Variants in PDHX observed in about 807,000 individuals in gnomAD.
The protein encoded by PDHX is pyruvate dehydrogenase complex component X.
PDHX carries 33 observed loss-of-function variants against 55.3 expected under a neutral mutation model. The observed-to-expected ratio is 0.60, with a 90% CI of 0.45 to 0.80. The LOEUF (loss-of-function observed/expected upper bound fraction) is 0.80, where lower values mean the gene tolerates loss of function less well. Among genes scored for constraint, PDHX ranks in the 30% least tolerant of loss-of-function variants. The pLI, the probability that PDHX is intolerant of heterozygous loss-of-function variation, is 0.00. For missense variants in PDHX, 622 were observed against 619.9 expected (o/e 1.00, Z -0.04); for synonymous variants, 226 against 219.4 (o/e 1.03, Z -0.27).
At chr11:34,923,340 A>G (rs1196303309) in intron 1 of PDHX, among the ~76,000 whole-genome samples, 1 of 152,182 alleles carries the variant, frequency 6.6e-6, no homozygotes, top group Non-Finnish European at 1.5e-5. Context: ...TGTATAATTC[A>G]GGAGAGATTT....
At chr11:34,925,963 G>T (rs1303955961) in intron 1 of PDHX, among the ~76,000 whole-genome samples, 1 of 152,078 alleles carries the variant, frequency 6.6e-6, no homozygotes, top group African/African-American at 2.4e-5. Context: ...TTCTGATAAG[G>T]CATACTCAAC....
chr11:34,969,214 A>T (rs976303162), intron 6 of PDHX, among the ~76,000 whole-genome samples: 1 of 152,138 alleles, frequency 6.6e-6, no homozygotes, highest in African/African-American at 2.4e-5. Context: ...TATTAAATGC[A>T]CTTTGACTTA....
rs565465215 is a variant in PDHX at position 34,962,822 on chromosome 11, C to T, written c.641+2304C>T. On this transcript the variant is annotated intron_variant, in intron 5 of 10. Coordinates refer to ENST00000227868, the MANE Select transcript of PDHX (RefSeq NM_003477.3). Reference sequence around the variant, plus strand: ...ATGTGTGCTTAATACATATATGATGCGCAAATATCTTTTTTTAAACCTGAG... The same window carrying T: ...ATGTGTGCTTAATACATATATGATGTGCAAATATCTTTTTTTAAACCTGAG... Among the ~76,000 whole-genome samples, 19 of 152,026 alleles carry T rather than the reference C, an allele frequency of 1.2e-4. No homozygotes were observed. In the South Asian group the frequency reaches 2.7e-3, roughly 22 times the overall value.
chr11:34,960,177 T>G (rs1854993274), intron 4 of PDHX, among the ~76,000 whole-genome samples: 1 of 152,228 alleles, frequency 6.6e-6, no homozygotes, highest in South Asian at 2.1e-4. Flanking sequence ...CTCTTTCCCC[T>G]AATTAATATT....
At chr11:34,927,528 A>G (rs1167706651) in intron 1 of PDHX, among the ~76,000 whole-genome samples, 2 of 152,096 alleles carry the variant, frequency 1.3e-5, no homozygotes, top group African/African-American at 2.4e-5. Flanking sequence ...CAGCAGCCAT[A>G]AAGGGCAGAT....
intron 9 of PDHX, among the ~76,000 whole-genome samples, chr11:34,988,264 C>A (rs1855692767): frequency 6.6e-6 from 1 of 152,016 alleles, no homozygotes; most frequent in Admixed American, 6.6e-5. Flanking sequence ...TACTTTGTAC[C>A]AGTTTTTGCT....
chr11:34,949,911 T>G (rs1403744327), intron 3 of PDHX, among the ~76,000 whole-genome samples: 1 of 152,138 alleles, frequency 6.6e-6, no homozygotes, highest in African/African-American at 2.4e-5. Context: ...AAAGTAGAAT[T>G]TTTTCTAAAA....
chr11:34,946,996 G>T (rs1854635462), intron 2 of PDHX, among the ~76,000 whole-genome samples: 1 of 152,130 alleles, frequency 6.6e-6, no homozygotes, highest in African/African-American at 2.4e-5. Context: ...TTTGACTTCA[G>T]TTGTGTCTTT....
chr11:34,974,031 A>G (rs1855312849), intron 7 of PDHX, among the ~76,000 whole-genome samples: 1 of 152,226 alleles, frequency 6.6e-6, no homozygotes, highest in Non-Finnish European at 1.5e-5. Flanking sequence ...GTAGTTGAAT[A>G]TATAACATGA....
In PDHX at chr11:34,931,536, G is replaced by GT. The variant is rs368865759; in HGVS notation, c.241+56dup. On this transcript the variant is annotated intron_variant, in intron 2 of 10. Coordinates refer to ENST00000227868, the MANE Select transcript of PDHX (RefSeq NM_003477.3). ...GTGTGCTTTGTTATTTGGTTATTTTGTTTTGTTTTTTTTTTTCCTAATCTG... is the reference window on the plus strand; with the variant it reads ...GTGTGCTTTGTTATTTGGTTATTTTGTTTTTGTTTTTTTTTTTCCTAATCTG... 0.075 allele frequency: 64,924 copies of GT among 861,098 alleles called. 3,469 individuals are homozygous for GT. Among genetic ancestry groups the GT allele is most frequent in the African/African-American group, 0.33 (15,700 of 48,284 alleles). 53.3% of individuals were successfully genotyped at this position (861,098 alleles called of 1,614,324 possible). A position where few individuals can be genotyped will look rare whatever the true frequency, so the allele number is the denominator to read the frequency against.
At chr11:34,922,426 C>T (rs2133938199) in intron 1 of PDHX, among the ~76,000 whole-genome samples, 1 of 152,288 alleles carries the variant, frequency 6.6e-6, no homozygotes, top group Middle Eastern at 3.4e-3. Flanking sequence ...TAATACTATA[C>T]TCTGGTAGAT....
At chr11:34,967,766 TAA>T (rs1855167866) in intron 6 of PDHX, among the ~76,000 whole-genome samples, 1 of 152,204 alleles carries the variant, frequency 6.6e-6, no homozygotes, top group African/African-American at 2.4e-5. Context: ...TATGATATTT[TAA>T]AAGAGTTGAA....
chr11:34,931,952 G>A (rs1480540279), intron 2 of PDHX, among the ~76,000 whole-genome samples: 1 of 151,926 alleles, frequency 6.6e-6, no homozygotes, highest in East Asian at 1.9e-4. Context: ...GAGGGTTGTA[G>A]CCCTGCTAAT....
At chr11:34,919,974 A>T (rs1000224716) in intron 1 of PDHX, among the ~76,000 whole-genome samples, 13 of 152,214 alleles carry the variant, frequency 8.5e-5, no homozygotes, top group African/African-American at 3.1e-4. Context: ...ATAAACAATA[A>T]AGGTATGATT....
At chr11:34,947,227 T>C (rs1335043352) in intron 2 of PDHX, among the ~76,000 whole-genome samples, 4 of 152,268 alleles carry the variant, frequency 2.6e-5, no homozygotes, top group East Asian at 3.9e-4. Flanking sequence ...GTCTTTAAGG[T>C]TGATTTCATT....
chr11:34,924,621 A>T (rs2915199), intron 1 of PDHX, among the ~76,000 whole-genome samples: 120,189 of 152,102 alleles, frequency 0.79, 47,656 homozygotes, highest in East Asian at 0.83. Flanking sequence ...ATCTGAAATT[A>T]GAGCCTAGGC....
At chr11:34,967,822 A>G (rs536347832) in intron 6 of PDHX, among the ~76,000 whole-genome samples, 5 of 152,360 alleles carry the variant, frequency 3.3e-5, no homozygotes, top group Non-Finnish European at 7.3e-5. Flanking sequence ...AATATCCATT[A>G]ATGATTAATA....
chr11:34,994,844 T>C (rs1208946642), intron 10 of PDHX, 70 bp from the exon 11 acceptor site: 2 of 1,564,570 alleles, frequency 1.3e-6, no homozygotes, highest in Non-Finnish European at 1.8e-6. Context: ...ATATATAAAA[T>C]ATGTGCTTCA....
chr11:34,982,051 G>C (rs1053877400), intron 8 of PDHX, among the ~76,000 whole-genome samples: 2 of 152,132 alleles, frequency 1.3e-5, no homozygotes, highest in African/African-American at 4.8e-5. Flanking sequence ...ATTGCTTTTG[G>C]TGTTTTAGAC....
Sources: allele counts gnomAD v4.1 joint callset (sites outside exome capture counted in the v4.1 genomes callset), GRCh38; gene constraint gnomAD v4.1.1; transcripts MANE v1.5; gene names NCBI Gene and HGNC (gene_info 2026-07-23, HGNC 2026-07-21).